DMD: variants seen among roughly 807,000 people sequenced by gnomAD.
DMD encodes the protein mutant dystrophin.
In DMD, 63 loss-of-function variants were observed where a neutral mutation model predicts 330.1. The observed-to-expected ratio is 0.19, with a 90% CI of 0.16 to 0.24. The LOEUF is 0.24. DMD is among the 10% of genes least tolerant of loss of function. The probability of loss-of-function intolerance (pLI) is 1.00; values close to 1 mark genes in which losing one functional copy is unlikely to be tolerated. For synonymous variants in DMD, 1,223 were observed against 959.8 expected, an observed-to-expected ratio of 1.27 and a Z score of -5.07; for missense variants, 3,344 against 2,684.1, an observed-to-expected ratio of 1.25 and a Z score of -5.43.
chrX:32,688,210 T>C (rs1442572855), intron 9 of DMD, among the ~76,000 whole-genome samples: 1 of 110,951 alleles, frequency 9.0e-6, no homozygotes, highest in African/African-American at 3.3e-5. Context: ...AAACATGACT[T>C]AAATGAGAGC....
intron 67 of DMD, among the ~76,000 whole-genome samples, chrX:31,201,855 T>C (rs1006057556): frequency 3.6e-5 from 4 of 112,144 alleles, no homozygotes; most frequent in African/African-American, 1.3e-4. Flanking sequence ...TATATCCCTA[T>C]ATATGAACAC....
intron 34 of DMD, among the ~76,000 whole-genome samples, chrX:32,372,210 ATAATTTGCAACTCT>A (rs2097881517): frequency 8.9e-6 from 1 of 111,924 alleles, no homozygotes; most frequent in African/African-American, 3.2e-5. Context: ...CTTTGTCATT[ATAATTTGCAACTCT>A]TAATTTGCAA....
At chrX:33,211,244 G>A (rs183774348) in intron 1 of DMD, 38 bp downstream of exon 1, 1 of 1,193,328 alleles carries the variant, frequency 8.4e-7, no homozygotes, top group Admixed American at 2.2e-5. Flanking sequence ...TAAACGTTAT[G>A]CCACAGTAAA....
At chrX:32,471,925 A>G (rs2040673160) in intron 22 of DMD, among the ~76,000 whole-genome samples, 1 of 112,147 alleles carries the variant, frequency 8.9e-6, no homozygotes, top group Non-Finnish European at 1.9e-5. Flanking sequence ...TTAAAAATAT[A>G]CTTCATAAAT....
chrX:32,559,999 T>C (rs1159371320), intron 16 of DMD, among the ~76,000 whole-genome samples: 1 of 111,375 alleles, frequency 9.0e-6, no homozygotes, highest in East Asian at 2.8e-4. Flanking sequence ...ATATGTATTT[T>C]ATCTTAAAGA....
chrX:32,524,423 A>G (rs1189668620), intron 17 of DMD, among the ~76,000 whole-genome samples: 1 of 112,502 alleles, frequency 8.9e-6, no homozygotes, highest in East Asian at 2.8e-4. Flanking sequence ...AGTCCACATT[A>G]TCAAGTAATT....
At chrX:32,190,550 T>TTAGATATATATATATATATA (rs1198323604) in intron 44 of DMD, among the ~76,000 whole-genome samples, 4 of 62,534 alleles carry the variant, frequency 6.4e-5, no homozygotes. Context: ...ATTTAAAATT[T>TTAGATATATATATATATATA]TATATATATA....
At chrX:33,076,641 C>G (rs1311404791) in intron 1 of DMD, among the ~76,000 whole-genome samples, 1 of 111,874 alleles carries the variant, frequency 8.9e-6, no homozygotes, top group African/African-American at 3.2e-5. Flanking sequence ...TTATATAGCA[C>G]TTTAATAAAT....
At chrX:31,805,155 A>G (rs977577561) in intron 50 of DMD, among the ~76,000 whole-genome samples, 1 of 111,926 alleles carries the variant, frequency 8.9e-6, no homozygotes, top group Non-Finnish European at 1.9e-5. Context: ...AGTTAAGTCA[A>G]ATAGTGTACT....
intron 44 of DMD, among the ~76,000 whole-genome samples, chrX:32,193,198 G>A (rs757706785): frequency 1.8e-5 from 2 of 111,686 alleles, no homozygotes; most frequent in Non-Finnish European, 3.8e-5. Context: ...CTATGCTTCC[G>A]GTACAGCCTG....
chrX:31,728,495 C>T (rs1299282932), intron 52 of DMD, among the ~76,000 whole-genome samples: 3 of 112,061 alleles, frequency 2.7e-5, no homozygotes, highest in African/African-American at 9.7e-5. Flanking sequence ...TAGCTATTAT[C>T]AATAAGTACT....
chrX:32,414,801 A>C (rs888347829), intron 29 of DMD, among the ~76,000 whole-genome samples: 1 of 112,197 alleles, frequency 8.9e-6, no homozygotes, highest in Non-Finnish European at 1.9e-5. Flanking sequence ...ATTTGGAGAA[A>C]ATTTTAATCT....
chrX:31,495,112 A>G (rs1351670483), intron 57 of DMD, among the ~76,000 whole-genome samples: 5 of 110,090 alleles, frequency 4.5e-5, no homozygotes. Context: ...TATGAAGGCA[A>G]ATGGCTAAAG....
At chrX:32,388,341 C>CTTTTTTTT (rs3044988) in intron 32 of DMD, among the ~76,000 whole-genome samples, 21 of 78,545 alleles carry the variant, frequency 2.7e-4, no homozygotes, top group Admixed American at 1.5e-3. Context: ...TTATGCTTTC[C>CTTTTTTTT]TTTTTTTTTT....
At chrX:31,867,090 T>TTATATATATATATATATATATATATA (rs1569487063) in intron 48 of DMD, among the ~76,000 whole-genome samples, 1 of 56,832 alleles carries the variant, frequency 1.8e-5, no homozygotes, top group African/African-American at 8.2e-5. Flanking sequence ...CAACATATTT[T>TTATATATATATATATATATATATATA]GATATATATA....
intron 50 of DMD, among the ~76,000 whole-genome samples, chrX:31,819,253 A>G (rs1424630456): frequency 8.9e-6 from 1 of 112,423 alleles, no homozygotes. Flanking sequence ...AGTTAAAACT[A>G]CAGCTAAATG....
At chrX:33,050,279 GC>G (rs2094441579) in intron 1 of DMD, among the ~76,000 whole-genome samples, 1 of 111,579 alleles carries the variant, frequency 9.0e-6, no homozygotes, top group Admixed American at 9.6e-5. Context: ...ATGCTGCCTT[GC>G]TTTGATAGAA....
chrX:31,368,317 A>T (rs1460648027), intron 60 of DMD, among the ~76,000 whole-genome samples: 1 of 112,427 alleles, frequency 8.9e-6, no homozygotes, highest in Non-Finnish European at 1.9e-5. Flanking sequence ...ATTTATACTT[A>T]GATTTTCTAC....
At chrX:33,238,118 C>G (rs1017403125) in intron 1 of DMD, among the ~76,000 whole-genome samples, 6 of 112,118 alleles carry the variant, frequency 5.4e-5, no homozygotes, top group Non-Finnish European at 1.1e-4. Flanking sequence ...TATGGTGTGC[C>G]ACTTGGAAAG....
Sources: gnomAD v4.1 joint callset for allele counts (sites outside exome capture counted in the v4.1 genomes callset) on GRCh38, gnomAD v4.1.1 for gene constraint, MANE v1.5 for transcripts, NCBI Gene and HGNC (gene_info 2026-07-23, HGNC 2026-07-21) for gene names.